The following CLIC2 variants were observed in gnomAD, a reference collection of about 807,000 sequenced individuals.
The protein encoded by CLIC2 is CLIC family member 2, also known as chloride intracellular channel protein 2.
In CLIC2, 9 loss-of-function variants were observed where a neutral mutation model predicts 14.8. That is an observed-to-expected ratio of 0.61 (90% CI 0.37 to 1.06). The LOEUF (loss-of-function observed/expected upper bound fraction) is 1.06, where lower values mean the gene tolerates loss of function less well. Ranked by LOEUF, CLIC2 falls within the 50% of genes least tolerant of loss-of-function variation. CLIC2 has a pLI of 0.01. For synonymous variants in CLIC2, 61 were observed against 66.3 expected, an observed-to-expected ratio of 0.92 and a Z score of 0.39; for missense variants, 148 against 181.4, an observed-to-expected ratio of 0.82 and a Z score of 1.06.
chrX:155,294,041 T>C (rs2074984304), intron 3 of CLIC2, among the ~76,000 whole-genome samples: 1 of 111,964 alleles, frequency 8.9e-6, no homozygotes, highest in Non-Finnish European at 1.9e-5. Context: ...AGACTTAAAC[T>C]GGACTTTAGA....
intron 1 of CLIC2, among the ~76,000 whole-genome samples, chrX:155,302,790 C>T (rs2075025776): frequency 1.3e-5 from 1 of 77,216 alleles, no homozygotes; most frequent in Non-Finnish European, 2.6e-5. Flanking sequence ...TCTTTGTTCT[C>T]ATTGGTTTCA....
chrX:155,292,198 G>A lies in CLIC2; in HGVS notation c.293+6587C>T, dbSNP rs1269087200. ...TTCAAGAACAAGTCAGTTAATATTT[G>A]GGTGTGACCTCCTTTAAAAGGAAAT... On this transcript the variant is annotated intron_variant, in intron 3 of 5. Coordinates refer to ENST00000369449, the MANE Select transcript of CLIC2 (RefSeq NM_001289.6). 4 of 565,979 alleles carry A rather than the reference G, an allele frequency of 7.1e-6. No homozygotes were observed. The African/African-American group carries it at 9.0e-5, about 13-fold the overall frequency. 46.6% of individuals were successfully genotyped at this position (565,979 alleles called of 1,213,427 possible).
chrX:155,282,298 ACTT>A (rs2074922732), intron 3 of CLIC2, among the ~76,000 whole-genome samples: 1 of 110,713 alleles, frequency 9.0e-6, no homozygotes, highest in African/African-American at 3.3e-5. Flanking sequence ...TAACATCACT[ACTT>A]CTCTTTTTTG....
chrX:155,281,663 G>A (rs782470627), intron 3 of CLIC2, among the ~76,000 whole-genome samples: 16 of 110,344 alleles, frequency 1.5e-4, no homozygotes, highest in African/African-American at 4.6e-4. Context: ...GTCCACCCCC[G>A]CGCCCCTGCC....
intron 3 of CLIC2, among the ~76,000 whole-genome samples, chrX:155,283,973 A>T (rs1557316830): frequency 9.0e-6 from 1 of 111,730 alleles, no homozygotes; most frequent in African/African-American, 3.3e-5. Context: ...AACTATGAAA[A>T]CAAAAAGCTT....
chrX:155,299,752 G>A (rs1300245281), intron 1 of CLIC2, among the ~76,000 whole-genome samples: 2 of 72,277 alleles, frequency 2.8e-5, no homozygotes, highest in African/African-American at 1.2e-4. Flanking sequence ...ACAGTCCCCA[G>A]AGTGTGATAT....
intron 3 of CLIC2, among the ~76,000 whole-genome samples, chrX:155,289,448 T>C (rs1557317389): frequency 9.0e-6 from 1 of 111,726 alleles, no homozygotes; most frequent in African/African-American, 3.3e-5. Context: ...GAAAGGAGAT[T>C]ATTAAGGTGT....
chrX:155,319,948 C>T lies in CLIC2; in HGVS notation c.57+14423G>A, dbSNP rs73574867. On this transcript the variant is annotated intron_variant, in intron 1 of 5. Transcript: ENST00000369449. ...CAGTGTAAACAAAGCCACCAGAAAG[C>T]TGGAAATGGGCAGAGCCCACTGCAG... Among the ~76,000 whole-genome samples, 927 of 112,652 alleles carry T rather than the reference C, an allele frequency of 8.2e-3. 10 individuals carry two copies. Among genetic ancestry groups the T allele is most frequent in the African/African-American group, 0.028 (883 of 31,099 alleles).
intron 1 of CLIC2, among the ~76,000 whole-genome samples, chrX:155,332,341 G>A (rs1557322905): frequency 1.8e-5 from 2 of 111,397 alleles, no homozygotes; most frequent in Non-Finnish European, 3.8e-5. Flanking sequence ...GAAACTTCTA[G>A]AGATCTGTGG....
chrX:155,331,233 G>A (rs1424088330), intron 1 of CLIC2, among the ~76,000 whole-genome samples: 2 of 111,056 alleles, frequency 1.8e-5, no homozygotes, highest in Non-Finnish European at 3.8e-5. Context: ...AGGAAGGGTG[G>A]ATCGCCTTTG....
At chrX:155,313,996 G>A (rs1176158594) in intron 1 of CLIC2, among the ~76,000 whole-genome samples, 2 of 110,805 alleles carry the variant, frequency 1.8e-5, no homozygotes, top group African/African-American at 6.6e-5. Flanking sequence ...CATTGGCCTG[G>A]GAACCACACC....
chrX:155,314,224 C>G (rs782035760), intron 1 of CLIC2, among the ~76,000 whole-genome samples: 10 of 111,169 alleles, frequency 9.0e-5, no homozygotes, highest in Non-Finnish European at 1.7e-4. Flanking sequence ...CCCTAGACTA[C>G]TACAACTGAT....
At chrX:155,302,208 C>G (rs1239060090) in intron 1 of CLIC2, among the ~76,000 whole-genome samples, 1 of 107,574 alleles carries the variant, frequency 9.3e-6, no homozygotes, top group Non-Finnish European at 1.9e-5. Flanking sequence ...CCATCTGGTC[C>G]TGGACTCTTT....
At chrX:155,302,733 C>A (rs1383842552) in intron 1 of CLIC2, among the ~76,000 whole-genome samples, 4 of 75,565 alleles carry the variant, frequency 5.3e-5, no homozygotes, top group Non-Finnish European at 7.9e-5. Flanking sequence ...ATAAATTTCC[C>A]TCTACACACT....
At chrX:155,295,848 TA>T in intron 3 of CLIC2, among the ~76,000 whole-genome samples, 1 of 111,534 alleles carries the variant, frequency 9.0e-6, no homozygotes, top group East Asian at 2.8e-4. Flanking sequence ...TACAAAATGC[TA>T]ATGAAAGGAA....
chrX:155,305,370 A>G lies in CLIC2; in HGVS notation c.58-6225T>C, dbSNP rs185941361. ...CATCTGTCACCCCTTTCTTTGACTC[A>G]GAAAGGGAACTCCCTGACCCCTTGC... On this transcript the variant is annotated intron_variant, in intron 1 of 5. Transcript: ENST00000369449. 5.4e-3 allele frequency among the ~76,000 whole-genome samples: 607 copies of G among 112,386 alleles called. 3 individuals are homozygous for G. Among genetic ancestry groups the G allele is most frequent in the African/African-American group, 0.018 (546 of 31,001 alleles).
intron 1 of CLIC2, among the ~76,000 whole-genome samples, chrX:155,309,939 A>G (rs2075068190): frequency 8.9e-6 from 1 of 112,052 alleles, no homozygotes; most frequent in African/African-American, 3.2e-5. Flanking sequence ...TCATTTTAGC[A>G]TTTACTCAAA....
chrX:155,306,307 C>T (rs960236645), intron 1 of CLIC2, among the ~76,000 whole-genome samples: 2 of 111,309 alleles, frequency 1.8e-5, no homozygotes, highest in East Asian at 5.6e-4. Context: ...GCACCTCCCC[C>T]CTTGCTCTCT....
intron 1 of CLIC2, among the ~76,000 whole-genome samples, chrX:155,315,187 T>C (rs1343946521): frequency 8.9e-6 from 1 of 112,339 alleles, no homozygotes. Context: ...AAACCATATT[T>C]GAGGGAATAA....
Sources: gnomAD v4.1 joint callset for allele counts (sites outside exome capture counted in the v4.1 genomes callset) on GRCh38, gnomAD v4.1.1 for gene constraint, MANE v1.5 for transcripts, NCBI Gene and HGNC (gene_info 2026-07-23, HGNC 2026-07-21) for gene names.